Variants in ZNF705G observed in about 807,000 individuals in gnomAD.
The protein encoded by ZNF705G is zinc finger protein 705G.
ZNF705G carries 23 observed loss-of-function variants against 19.6 expected under a neutral mutation model. The observed-to-expected ratio is 1.17, with a 90% CI of 0.84 to 1.66. The LOEUF is 1.66. Ranked by LOEUF, ZNF705G falls within the 40% of genes most tolerant of loss-of-function variation. The probability of loss-of-function intolerance (pLI) is 0.00; values close to 1 mark genes in which losing one functional copy is unlikely to be tolerated. For missense variants in ZNF705G, 457 were observed against 354.4 expected (o/e 1.29, Z -2.32); for synonymous variants, 146 against 117.7 (o/e 1.24, Z -1.56).
chr8:7,358,499 C>A lies in ZNF705G; in HGVS notation c.380G>T (p.Arg127Leu), dbSNP rs59326007. 115 of 1,607,308 alleles carry A rather than the reference C, an allele frequency of 7.2e-5. 2 individuals carry two copies. The highest frequency in any genetic ancestry group is 9.2e-5 in the Non-Finnish European group (108 of 1,179,570). Residue 127 changes from arginine (R) to leucine (L), a missense_variant, in exon 7 of 7, where the codon CGC becomes CTC. Arg to Leu is a moderately radical substitution (Grantham distance 102). Coordinates refer to ENST00000400156, the MANE Select transcript of ZNF705G (RefSeq NM_001164457.3). ...ECNDSGEDCT[R>L]SSTITQCLLT... is the part of the protein sequence containing the mutation. ...CAAACACTGAGTTATTGTGGAACTG[C>A]GAGTGCAATCTTCTCCCGAATCATT...
In ZNF705G at chr8:7,359,611, A is replaced by G. The variant is rs747708484; in HGVS notation, c.318+8T>C. The G allele has an allele frequency of 3.1e-6, 5 of 1,606,384 alleles. No individual in the cohort carries two copies. Among genetic ancestry groups the G allele is most frequent in the Admixed American group, 3.3e-5 (2 of 59,882 alleles). ...TAGATGACTGGTGTACACAGCTATA[A>G]AACTTACCATTGTCATACTGGTGGA... On this transcript the variant is annotated splice_region_variant and intron_variant, in intron 6 of 6. Transcript: ENST00000400156.
At position 7,356,335 on chromosome 8, in the gene ZNF705G, G is replaced by A. The variant is rs1806241739; in HGVS notation, c.*1641C>T. ...AACTCAGGACTTACCAGAATAAAAT[G>A]TGGGGTGTTATGAGATGAACTGCTA... On this transcript the variant is annotated 3_prime_UTR_variant, in exon 7 of 7. Transcript: ENST00000400156. 6.7e-6 allele frequency: 1 copy of A among 149,704 alleles called. No homozygotes were observed. The highest frequency in any genetic ancestry group is 6.6e-5 in the Admixed American group (1 of 15,234). The allele number at this position is 149,704 out of a possible 1,614,324, so 9.3% of individuals were successfully genotyped here. A position where few individuals can be genotyped will look rare whatever the true frequency, so the allele number is the denominator to read the frequency against.
intron 2 of ZNF705G, among the ~76,000 whole-genome samples, chr8:7,375,189 C>T (rs1184032454): frequency 1.1e-5 from 1 of 90,724 alleles, no homozygotes; most frequent in East Asian, 3.6e-4. Context: ...TCTCCCTCCC[C>T]TCCTGGTAAG....
chr8:7,370,222 G>C (rs1332699293), intron 2 of ZNF705G, among the ~76,000 whole-genome samples: 5 of 146,548 alleles, frequency 3.4e-5, no homozygotes, highest in Non-Finnish European at 7.4e-5. Context: ...AGCAAGCCGA[G>C]ATCACGCCAC....
chr8:7,361,373 T>C, intron 3 of ZNF705G, 137 bp from the exon 4 acceptor site: 1 of 1,451,802 alleles, frequency 6.9e-7, no homozygotes, highest in Non-Finnish European at 9.2e-7. Flanking sequence ...TCATTCTCAG[T>C]ACTAAGCTGG....
chr8:7,361,799 T>C (rs1242906694), intron 3 of ZNF705G, among the ~76,000 whole-genome samples: 20 of 145,884 alleles, frequency 1.4e-4, no homozygotes, highest in Middle Eastern at 7.0e-3. Context: ...GGTCCCTTAT[T>C]CATTAAAAAG....
chr8:7,358,662 C>G, intron 6 of ZNF705G, 102 bp from the exon 7 acceptor site: 1 of 1,533,426 alleles, frequency 6.5e-7, no homozygotes, highest in Non-Finnish European at 8.8e-7. Context: ...GTGGTAGACC[C>G]CAGTTGAAAG....
chr8:7,370,550 T>G (rs1375144307), intron 2 of ZNF705G, among the ~76,000 whole-genome samples: 3 of 147,236 alleles, frequency 2.0e-5, no homozygotes, highest in Non-Finnish European at 2.9e-5. Flanking sequence ...TCTCAAAAAT[T>G]TTTTAAATAA....
At chr8:7,361,044 T>G in intron 4 of ZNF705G, 66 bp downstream of exon 4, 1 of 1,591,796 alleles carries the variant, frequency 6.3e-7, no homozygotes, top group Non-Finnish European at 8.5e-7. Flanking sequence ...GGAAGCTGTT[T>G]TAACACTTAT....
chr8:7,379,307 T>C (rs1329084493), intron 2 of ZNF705G, among the ~76,000 whole-genome samples: 1 of 147,444 alleles, frequency 6.8e-6, no homozygotes, highest in Admixed American at 6.6e-5. Context: ...CTCAGTGCAC[T>C]CTTGAAACTG....
Position 7,379,393 on chromosome 8 carries a change from G to A in ZNF705G, c.-72+2059C>T, listed in dbSNP as rs545836017. On this transcript the variant is annotated intron_variant, in intron 2 of 6. Coordinates refer to ENST00000400156, the MANE Select transcript of ZNF705G (RefSeq NM_001164457.3). ...CTTAGAAAAGAAGCAGTTTGGACACGTATATTAAAGCCGTCACATAGAATA... is the reference window on the plus strand; with the variant it reads ...CTTAGAAAAGAAGCAGTTTGGACACATATATTAAAGCCGTCACATAGAATA... Among the ~76,000 whole-genome samples the A allele has an allele frequency of 2.1e-3, 306 of 147,282 alleles. 5 individuals carry two copies. The highest frequency in any genetic ancestry group is 3.4e-3 in the Middle Eastern group (1 of 292).
intron 2 of ZNF705G, among the ~76,000 whole-genome samples, chr8:7,367,273 T>A (rs1806899587): frequency 6.7e-6 from 1 of 149,314 alleles, no homozygotes; most frequent in African/African-American, 2.6e-5. Flanking sequence ...ACTAGAAATG[T>A]CAGGTGATGG....
chr8:7,379,456 C>G (rs1482767727), intron 2 of ZNF705G, among the ~76,000 whole-genome samples: 2 of 146,862 alleles, frequency 1.4e-5, no homozygotes, highest in Non-Finnish European at 1.5e-5. Flanking sequence ...TTCAAGATGG[C>G]TGACTAGAGG....
At chr8:7,365,840 G>C (rs1298110107) in intron 2 of ZNF705G, among the ~76,000 whole-genome samples, 5 of 149,704 alleles carry the variant, frequency 3.3e-5, no homozygotes, top group Middle Eastern at 3.4e-3. Flanking sequence ...TAGGTCTTAA[G>C]TTCCTGGACA....
chr8:7,359,504 TAGAAA>T, intron 6 of ZNF705G, 110 bp downstream of exon 6: 1 of 1,539,410 alleles, frequency 6.5e-7, no homozygotes. Flanking sequence ...TTTTTTTGCT[TAGAAA>T]ACACTTAATG....
In ZNF705G at chr8:7,381,612, G is replaced by A. The variant is rs1253996920; in HGVS notation, c.-221-11C>T. The A allele has an allele frequency of 6.9e-6, 1 of 145,482 alleles. No homozygotes were observed. The highest frequency in any genetic ancestry group is 1.5e-5 in the Non-Finnish European group (1 of 67,724). 9.0% of individuals were successfully genotyped at this position (145,482 alleles called of 1,614,324 possible). A position where few individuals can be genotyped will look rare whatever the true frequency, so the allele number is the denominator to read the frequency against. Reference sequence around the variant, plus strand: ...AGGAGGACAAGTGATCTGGGAATGAGTTTGAATTCAGCTGGGAAACTAACA... The same window carrying A: ...AGGAGGACAAGTGATCTGGGAATGAATTTGAATTCAGCTGGGAAACTAACA... On this transcript the variant is annotated splice_polypyrimidine_tract_variant and intron_variant, in intron 1 of 6. Coordinates refer to ENST00000400156, the MANE Select transcript of ZNF705G (RefSeq NM_001164457.3).
intron 2 of ZNF705G, among the ~76,000 whole-genome samples, chr8:7,369,056 G>A (rs1040301971): frequency 6.7e-6 from 1 of 149,558 alleles, no homozygotes; most frequent in African/African-American, 2.6e-5. Flanking sequence ...AGGCAAGTGA[G>A]AGAATGACAG....
At chr8:7,379,448 C>A (rs1807392454) in intron 2 of ZNF705G, among the ~76,000 whole-genome samples, 1 of 147,140 alleles carries the variant, frequency 6.8e-6, no homozygotes. Context: ...AGGCGGTCTT[C>A]AAGATGGCTG....
intron 2 of ZNF705G, among the ~76,000 whole-genome samples, chr8:7,368,794 C>G (rs1241788924): frequency 6.7e-6 from 1 of 149,552 alleles, no homozygotes; most frequent in African/African-American, 2.6e-5. Flanking sequence ...TAGGTCTCAG[C>G]CACTCCAGCT....
Sources: allele counts gnomAD v4.1 joint callset (sites outside exome capture counted in the v4.1 genomes callset), GRCh38; gene constraint gnomAD v4.1.1; transcripts MANE v1.5; gene names NCBI Gene and HGNC (gene_info 2026-07-23, HGNC 2026-07-21).